The following ARAP2 variants were observed in gnomAD, a reference collection of about 807,000 sequenced individuals.
ARAP2 encodes the protein arf-GAP with Rho-GAP domain, ANK repeat and PH domain-containing protein 2.
A neutral mutation model predicts 194.5 loss-of-function variants in ARAP2; 148 were observed. That is an observed-to-expected ratio of 0.76 (90% CI 0.67 to 0.87). ARAP2 has a LOEUF of 0.87. Ranked by LOEUF, ARAP2 falls within the 40% of genes least tolerant of loss-of-function variation. The probability of loss-of-function intolerance (pLI) is 0.00; values close to 1 mark genes in which losing one functional copy is unlikely to be tolerated. For synonymous variants in ARAP2, 695 were observed against 683.5 expected (o/e 1.02, Z -0.26); for missense variants, 2,128 against 1,989.7 (o/e 1.07, Z -1.32).
chr4:36,027,768 G>C (rs1461790549), intron 5 of ARAP2, among the ~76,000 whole-genome samples: 1 of 152,148 alleles, frequency 6.6e-6, no homozygotes, highest in Non-Finnish European at 1.5e-5. Context: ...ATTAGTGACA[G>C]AGCCAAGATC....
intron 15 of ARAP2, 133 bp downstream of exon 15, chr4:36,158,597 T>C: frequency 3.8e-6 from 3 of 780,452 alleles, no homozygotes; most frequent in Non-Finnish European, 6.0e-6. Context: ...TAGAAGCATT[T>C]ATAAATCCTC....
In ARAP2 at chr4:36,091,952, A is replaced by T. The variant is rs775745152; in HGVS notation, c.4354T>A (p.Ser1452Thr). ...TACCGGTCTTGAAACTTATTTCCAG[A>T]TAGTATTTTGGATGGTTCTTCTTTG... ...KIKEEPSKIL[S>T]GNKFQDRYFV... is the part of the protein sequence containing the mutation. Residue 1452 changes from serine (S) to threonine (T), a missense_variant, in exon 28 of 33, where the codon TCT becomes ACT. Physicochemically the swap from Ser to Thr is moderately conservative, Grantham distance 58. Coordinates refer to ENST00000303965, the MANE Select transcript of ARAP2 (RefSeq NM_015230.4). 1 of 1,608,874 alleles carries T rather than the reference A, an allele frequency of 6.2e-7. No homozygotes were observed. Among genetic ancestry groups the T allele is most frequent in the South Asian group, 1.1e-5 (1 of 90,552 alleles).
chr4:36,178,915 T>C (rs947689987), intron 8 of ARAP2, among the ~76,000 whole-genome samples: 4 of 152,278 alleles, frequency 2.6e-5, no homozygotes, highest in African/African-American at 9.6e-5. Context: ...TTCAAAAGAC[T>C]AAACTGGAAT....
At chr4:36,243,730 G>A (rs948221043) in intron 1 of ARAP2, 5 of 152,206 alleles carry the variant, frequency 3.3e-5, no homozygotes, top group African/African-American at 1.2e-4. Flanking sequence ...GTTCAGGCAG[G>A]TGGAAGCCAA....
intron 9 of ARAP2, among the ~76,000 whole-genome samples, chr4:36,170,110 C>T (rs1279966147): frequency 6.6e-6 from 1 of 152,042 alleles, no homozygotes; most frequent in Non-Finnish European, 1.5e-5. Context: ...TCCCTCCCAC[C>T]CAGAGACTCT....
chr4:36,078,383 G>A (rs1030772164), intron 31 of ARAP2, among the ~76,000 whole-genome samples: 3 of 152,158 alleles, frequency 2.0e-5, no homozygotes, highest in Admixed American at 6.6e-5. Context: ...AGGCAGGGGT[G>A]TGGAAAGGAT....
intron 2 of ARAP2, among the ~76,000 whole-genome samples, chr4:36,057,722 T>C (rs1170332985): frequency 2.6e-5 from 4 of 152,260 alleles, no homozygotes; most frequent in African/African-American, 9.6e-5. Flanking sequence ...TCTGACAGAA[T>C]TATCCAATAT....
chr4:36,217,737 G>A (rs1748266158), intron 2 of ARAP2, among the ~76,000 whole-genome samples: 1 of 150,222 alleles, frequency 6.7e-6, no homozygotes, highest in Admixed American at 6.6e-5. Context: ...GAACTGAACT[G>A]GAAACCATTA....
intron 6 of ARAP2, among the ~76,000 whole-genome samples, chr4:36,017,198 G>T (rs905031394): frequency 2.0e-5 from 3 of 151,362 alleles, no homozygotes; most frequent in African/African-American, 7.3e-5. Context: ...AATGAAAAAT[G>T]GATATTTATT....
At chr4:36,084,536 A>C (rs1368193726) in intron 28 of ARAP2, among the ~76,000 whole-genome samples, 4 of 152,178 alleles carry the variant, frequency 2.6e-5, no homozygotes, top group African/African-American at 2.4e-5. Context: ...GAGGTATCTC[A>C]AAAATCCAAA....
rs1754264931 is a variant in ARAP2 at position 36,244,438 on chromosome 4, CAG to C, written c.-421_-420del. The C allele has an allele frequency of 1.3e-5, 2 of 150,144 alleles. No homozygotes were observed. The highest frequency in any genetic ancestry group is 4.9e-5 in the African/African-American group (2 of 41,164). The allele number at this position is 150,144 out of a possible 1,614,324, so 9.3% of individuals were successfully genotyped here. ...GGAGCGCGGGCCGCGGACCCGCGCT[CAG>C]CTCCGGAAACGCCGAGCCCGGCGCC... On this transcript the variant is annotated 5_prime_UTR_variant, in exon 1 of 33. Transcript: ENST00000303965.
Position 36,229,481 on chromosome 4 carries a change from G to A in ARAP2, c.6C>T (p.Ser2=), listed in dbSNP as rs1465982562. 2.5e-6 allele frequency: 4 copies of A among 1,601,148 alleles called. No individual in the cohort carries two copies. In the Admixed American group the frequency reaches 5.1e-5, roughly 20 times the overall value. Residue 2 remains serine (S), a synonymous_variant, in exon 2 of 33, where the codon TCC becomes TCT. Coordinates refer to ENST00000303965, the MANE Select transcript of ARAP2 (RefSeq NM_015230.4). ...TATCCACATTTACTTCACTGACTGA[G>A]GACATAATGGTGGCTTCATTACTAA... is the stretch of plus-strand genomic sequence containing the variant. M[S]SVSEVNVDIK...
intron 5 of ARAP2, among the ~76,000 whole-genome samples, chr4:36,029,808 T>C (rs1282160542): frequency 6.6e-6 from 1 of 152,028 alleles, no homozygotes; most frequent in Non-Finnish European, 1.5e-5. Flanking sequence ...CTTAATTAGG[T>C]CTCCTCTCTT....
chr4:36,082,320 T>G, intron 29 of ARAP2, 34 bp from the exon 30 acceptor site: 1 of 1,585,770 alleles, frequency 6.3e-7, no homozygotes, highest in South Asian at 1.2e-5. Flanking sequence ...ACACATAAAT[T>G]AAAAATAATA....
intron 5 of ARAP2, among the ~76,000 whole-genome samples, chr4:36,027,111 G>A (rs776455754): frequency 1.3e-5 from 2 of 152,118 alleles, no homozygotes; most frequent in Non-Finnish European, 2.9e-5. Flanking sequence ...TCAGATTTTC[G>A]TGGATAATGA....
At chr4:36,091,758 C>G in intron 28 of ARAP2, 123 bp downstream of exon 28, 1 of 1,081,524 alleles carries the variant, frequency 9.2e-7, no homozygotes, top group East Asian at 2.6e-5. Context: ...AGCAAATCAT[C>G]AGCTTACCAT....
chr4:36,015,317 T>C (rs2109323006), intron 8 of ARAP2: 1 of 152,372 alleles, frequency 6.6e-6, no homozygotes, highest in South Asian at 2.1e-4. Context: ...ATCAAGTTTA[T>C]TGAGTAATTT....
At chr4:36,233,228 T>C (rs1306257427) in intron 1 of ARAP2, among the ~76,000 whole-genome samples, 1 of 152,158 alleles carries the variant, frequency 6.6e-6, no homozygotes, top group Non-Finnish European at 1.5e-5. Flanking sequence ...CATGCCTAAT[T>C]ATAAAATTCC....
chr4:36,218,957 A>G (rs1425604302), intron 2 of ARAP2, among the ~76,000 whole-genome samples: 4 of 152,252 alleles, frequency 2.6e-5, no homozygotes, highest in African/African-American at 9.6e-5. Context: ...TAAATGTAGC[A>G]AAAGGTCAAT....
Sources: allele counts gnomAD v4.1 joint callset (sites outside exome capture counted in the v4.1 genomes callset), GRCh38; gene constraint gnomAD v4.1.1; transcripts MANE v1.5; gene names NCBI Gene and HGNC (gene_info 2026-07-23, HGNC 2026-07-21).